The following CNDP1 variants were observed in gnomAD, a reference collection of about 807,000 sequenced individuals.
CNDP1 encodes the protein beta-Ala-His dipeptidase.
A neutral mutation model predicts 58.1 loss-of-function variants in CNDP1; 44 were observed. The ratio of observed to expected loss-of-function variants is 0.76; its 90% CI spans 0.60 to 0.97. The LOEUF (loss-of-function observed/expected upper bound fraction) is 0.97. Ranked by LOEUF, CNDP1 falls within the 50% of genes least tolerant of loss-of-function variation. CNDP1 has a pLI of 0.00. For synonymous variants in CNDP1, 254 were observed against 252.6 expected, an observed-to-expected ratio of 1.01 and a Z score of -0.05; for missense variants, 616 against 655.1, an observed-to-expected ratio of 0.94 and a Z score of 0.65.
chr18:74,540,407 G>C (rs111966733), intron 1 of CNDP1, among the ~76,000 whole-genome samples: 2 of 152,110 alleles, frequency 1.3e-5, no homozygotes, highest in East Asian at 3.9e-4. Context: ...TGATCCACCC[G>C]CCTCATCCTC....
At chr18:74,582,047 T>C (rs887944898) in intron 10 of CNDP1, among the ~76,000 whole-genome samples, 3 of 152,226 alleles carry the variant, frequency 2.0e-5, no homozygotes, top group African/African-American at 7.2e-5. Flanking sequence ...CTTCTTTCCA[T>C]CACCATTCCT....
chr18:74,568,088 C>G (rs1346592942), intron 6 of CNDP1, among the ~76,000 whole-genome samples: 1 of 152,210 alleles, frequency 6.6e-6, no homozygotes, highest in East Asian at 1.9e-4. Context: ...TACAGGCAAT[C>G]TGTGATAGTG....
chr18:74,562,160 AGAG>A (rs768391446), intron 5 of CNDP1, 25 bp downstream of exon 5: 235 of 1,603,070 alleles, frequency 1.5e-4, no homozygotes, highest in Non-Finnish European at 1.8e-4. Context: ...TGTTTGGGAG[AGAG>A]GAGGAGGAGG....
intron 2 of CNDP1, 151 bp downstream of exon 2, chr18:74,556,617 A>G (rs945377743): frequency 2.2e-5 from 19 of 867,770 alleles, no homozygotes; most frequent in Non-Finnish European, 3.5e-5. Flanking sequence ...AAAAATCTTC[A>G]GTATTCATTA....
In CNDP1 at chr18:74,571,091, G is replaced by C. The variant is rs1334067471; in HGVS notation, c.757-95G>C. On this transcript the variant is annotated intron_variant, in intron 6 of 11. Coordinates refer to ENST00000358821, the MANE Select transcript of CNDP1 (RefSeq NM_032649.6). ...TGGATGTTGCCTACCTGAGTTCTGA[G>C]GGACACACGCAGATATGTATTTCAC... The C allele has an allele frequency of 2.0e-5, 16 of 787,322 alleles. No individual in the cohort carries two copies. The Admixed American group carries it at 3.2e-4, about 16-fold the overall frequency. 48.8% of individuals were successfully genotyped at this position (787,322 alleles called of 1,614,324 possible).
chr18:74,551,832 AT>A (rs1486750366), intron 1 of CNDP1, among the ~76,000 whole-genome samples: 6 of 151,500 alleles, frequency 4.0e-5, no homozygotes, highest in South Asian at 4.2e-4. Flanking sequence ...ACACCAAATA[AT>A]TTTTTTAATG....
At chr18:74,550,791 G>A (rs575649478) in intron 1 of CNDP1, among the ~76,000 whole-genome samples, 2 of 151,084 alleles carry the variant, frequency 1.3e-5, no homozygotes, top group African/African-American at 2.4e-5. Flanking sequence ...TAGTAGAGAC[G>A]GGGTTTCACC....
chr18:74,578,553 G>A (rs1480904255), intron 9 of CNDP1, among the ~76,000 whole-genome samples: 1 of 152,178 alleles, frequency 6.6e-6, no homozygotes, highest in East Asian at 1.9e-4. Flanking sequence ...CTTAAGCCCA[G>A]GGGTTTAAGG....
At chr18:74,565,042 G>A (rs1048102756) in intron 5 of CNDP1, among the ~76,000 whole-genome samples, 11 of 152,172 alleles carry the variant, frequency 7.2e-5, no homozygotes, top group Non-Finnish European at 1.3e-4. Flanking sequence ...ATGGCAGGAG[G>A]CAAAAGCCAC....
intron 1 of CNDP1, among the ~76,000 whole-genome samples, chr18:74,546,043 A>G (rs1436634686): frequency 6.6e-6 from 1 of 152,218 alleles, no homozygotes; most frequent in Non-Finnish European, 1.5e-5. Flanking sequence ...ACTTCAATGT[A>G]TCGATTTAAC....
Position 74,578,234 on chromosome 18 carries a change from G to T in CNDP1, c.1074G>T (p.Glu358Asp). ...SIHGIEGAFD[E>D]PGTKTVIPGR... ...ATGGGATCGAGGGCGCGTTTGATGA[G>T]CCTGGAACTAAAACAGTCATACCTG... The change falls in exon 9 of 12, where the codon GAG becomes GAT. Residue 358 changes from glutamate (E) to aspartate (D), a missense_variant. Coordinates refer to ENST00000358821, the MANE Select transcript of CNDP1 (RefSeq NM_032649.6). 6.2e-7 allele frequency: 1 copy of T among 1,614,016 alleles called. No individual in the cohort carries two copies. Among genetic ancestry groups the T allele is most frequent in the Non-Finnish European group, 8.5e-7 (1 of 1,179,998 alleles).
chr18:74,549,127 C>A (rs892723425), intron 1 of CNDP1, among the ~76,000 whole-genome samples: 1 of 152,118 alleles, frequency 6.6e-6, no homozygotes, highest in African/African-American at 2.4e-5. Context: ...AACTATCTTG[C>A]TTTTATTATT....
At position 74,556,366 on chromosome 18, in the gene CNDP1, T is replaced by TGCG. The variant is rs767490226; in HGVS notation, c.55_56insGGC (p.Leu18_Leu19insArg). 1 of 1,614,030 alleles carries TGCG rather than the reference T, an allele frequency of 6.2e-7. No homozygotes were observed. The highest frequency in any genetic ancestry group is 2.2e-5 in the East Asian group (1 of 44,870). On this transcript the variant is annotated inframe_insertion, in exon 2 of 12. Transcript: ENST00000358821. ...GCGTCCCTGCTGGCTGTGCTGCTGCTGCTGCTGGAGCGCGGCATGTTCTCC... is the reference window on the plus strand; with the variant it reads ...GCGTCCCTGCTGGCTGTGCTGCTGCTGCGGCTGCTGGAGCGCGGCATGTTCTCC...
In CNDP1 at chr18:74,534,639, G is replaced by A. The variant is rs112730375; in HGVS notation, c.-29G>A. On this transcript the variant is annotated 5_prime_UTR_variant, in exon 1 of 12. Transcript: ENST00000358821. The stretch of plus-strand genomic sequence containing the variant: ...GCCACATTTTTTGGAGGTTGGGAAA[G>A]TTGCTAGAGGCTTCAGAACTCCAGC... 85 of 1,614,026 alleles carry A rather than the reference G, an allele frequency of 5.3e-5. No individual in the cohort carries two copies. The African/African-American group carries it at 7.9e-4, about 15-fold the overall frequency.
intron 6 of CNDP1, among the ~76,000 whole-genome samples, chr18:74,568,121 C>T (rs1187486336): frequency 1.3e-5 from 2 of 152,316 alleles, no homozygotes; most frequent in African/African-American, 4.8e-5. Context: ...AAAGTCCCTC[C>T]CGGGTAAATA....
At chr18:74,551,710 TC>T (rs1483683021) in intron 1 of CNDP1, among the ~76,000 whole-genome samples, 1 of 152,088 alleles carries the variant, frequency 6.6e-6, no homozygotes, top group Non-Finnish European at 1.5e-5. Flanking sequence ...AGGAGGAGAT[TC>T]CTGCTGAATC....
At chr18:74,572,742 A>C (rs1981511256) in intron 7 of CNDP1, among the ~76,000 whole-genome samples, 1 of 148,826 alleles carries the variant, frequency 6.7e-6, no homozygotes, top group Non-Finnish European at 1.5e-5. Context: ...GAGCTGAGAT[A>C]ATCGTGCCAC....
Position 74,556,395 on chromosome 18 carries a change from C to A in CNDP1, c.82C>A (p.Pro28Thr), listed in dbSNP as rs1981041416. ...GCTGGAGCGCGGCATGTTCTCCTCACCCTCCCCGCCCCCGGCGCTGTTAGA... is the reference window on the plus strand; with the variant it reads ...GCTGGAGCGCGGCATGTTCTCCTCAACCTCCCCGCCCCCGGCGCTGTTAGA... Reference protein sequence around the residue: ...LLLERGMFSSPSPPPALLEKV... With the variant: ...LLLERGMFSSTSPPPALLEKV... Residue 28 changes from proline (P) to threonine (T), a missense_variant, in exon 2 of 12, where the codon CCC (proline) becomes ACC (threonine). Pro to Thr is a conservative substitution (Grantham distance 38, BLOSUM62 -1). Coordinates refer to ENST00000358821, the MANE Select transcript of CNDP1 (RefSeq NM_032649.6). 1 of 1,614,128 alleles carries A rather than the reference C, an allele frequency of 6.2e-7. No homozygotes were observed.
chr18:74,578,068 ATGG>A, intron 8 of CNDP1, 92 bp from the exon 9 acceptor site: 4 of 1,127,080 alleles, frequency 3.5e-6, no homozygotes, highest in Non-Finnish European at 5.1e-6. Flanking sequence ...CGTGTCCTGA[ATGG>A]TGTCTCAGAG....
Sources: allele counts gnomAD v4.1 joint callset (sites outside exome capture counted in the v4.1 genomes callset), GRCh38; gene constraint gnomAD v4.1.1; transcripts MANE v1.5; gene names NCBI Gene and HGNC (gene_info 2026-07-23, HGNC 2026-07-21).